The following TOGARAM1 variants were observed in gnomAD, a reference collection of about 807,000 sequenced individuals.
The protein encoded by TOGARAM1 is TOG array regulator of axonemal microtubules protein 1.
TOGARAM1 carries 100 observed loss-of-function variants against 166.6 expected under a neutral mutation model. The ratio of observed to expected loss-of-function variants is 0.60; its 90% CI spans 0.51 to 0.71. The LOEUF is 0.71. Ranked by LOEUF, TOGARAM1 falls within the 30% of genes least tolerant of loss-of-function variation. TOGARAM1 has a pLI of 0.00. For missense variants in TOGARAM1, 2,029 were observed against 2,102.7 expected, an observed-to-expected ratio of 0.96 and a Z score of 0.69; for synonymous variants, 758 against 763.8, an observed-to-expected ratio of 0.99 and a Z score of 0.13.
chr14:44,992,591 CAA>C (rs951165183), intron 1 of TOGARAM1, among the ~76,000 whole-genome samples: 20 of 138,904 alleles, frequency 1.4e-4, no homozygotes, highest in Admixed American at 2.9e-4. Flanking sequence ...GAGGATTAAA[CAA>C]GAGTAAATTT....
chr14:45,006,011 A>G lies in TOGARAM1; in HGVS notation c.2648A>G (p.Glu883Gly). 6.5e-7 allele frequency: 1 copy of G among 1,543,180 alleles called. No homozygotes were observed. Among genetic ancestry groups the G allele is most frequent in the Non-Finnish European group, 8.7e-7 (1 of 1,145,670 alleles). ...AAAATATCTATTTTTCATGCAGGAG[A>G]AAATTCTCAAGAAAAACCTCCAGTT... ...SSDPTGRNHG[E>G]NSQEKPPVQL... Residue 883 changes from glutamate (E) to glycine (G), a missense_variant, in exon 5 of 20, where the codon GAA becomes GGA. Glu to Gly is a moderately conservative substitution (Grantham distance 98). This residue lies in a region of TOGARAM1 where 1,453 missense variants were observed against 1,432.2 expected (regional missense o/e 1.01). Coordinates refer to ENST00000361462, the MANE Select transcript of TOGARAM1 (RefSeq NM_001308120.2).
Position 45,041,804 on chromosome 14 carries a change from C to G in TOGARAM1, c.3813-1882C>G, listed in dbSNP as rs1300218396. On this transcript the variant is annotated intron_variant, in intron 11 of 19. Transcript: ENST00000361462. ...TGAGACAGAGTCTCACTGTGTCACC[C>G]AGGCTGAAGTGCAGTGGCACGATCA... is the stretch of plus-strand genomic sequence containing the variant. Among the ~76,000 whole-genome samples, 5 of 152,210 alleles carry G rather than the reference C, an allele frequency of 3.3e-5. No individual in the cohort carries two copies. The East Asian group carries it at 5.8e-4, about 18-fold the overall frequency.
Position 45,053,344 on chromosome 14 carries a change from CCATGT to C in TOGARAM1, c.4440+784_4440+788del, listed in dbSNP as rs1316216386. Among the ~76,000 whole-genome samples the C allele has an allele frequency of 2.0e-5, 3 of 152,042 alleles. No individual in the cohort carries two copies. The East Asian group carries it at 5.8e-4, about 29-fold the overall frequency. On this transcript the variant is annotated intron_variant, in intron 15 of 19. Transcript: ENST00000361462. ...GCGAGAGCCAATGCGCCCAGCCATG[CCATGT>C]CTTATTTGTCCTGGTAGATAATGGG... is the stretch of plus-strand genomic sequence containing the variant.
In TOGARAM1 at chr14:44,977,898, C is replaced by T. The variant is rs188802948; in HGVS notation, c.2046+13431C>T. Among the ~76,000 whole-genome samples, 7 of 152,292 alleles carry T rather than the reference C, an allele frequency of 4.6e-5. No individual in the cohort carries two copies. The East Asian group carries it at 1.4e-3, about 29-fold the overall frequency. ...CTCCTGAGCTCAAGCAATCCTCCCTCCACTGCCTCTGAAAGTGCTGGGATT... is the reference window on the plus strand; with the variant it reads ...CTCCTGAGCTCAAGCAATCCTCCCTTCACTGCCTCTGAAAGTGCTGGGATT... On this transcript the variant is annotated intron_variant, in intron 1 of 19. Coordinates refer to ENST00000361462, the MANE Select transcript of TOGARAM1 (RefSeq NM_001308120.2).
At chr14:45,000,031 C>T (rs959349166) in intron 3 of TOGARAM1, among the ~76,000 whole-genome samples, 1 of 152,018 alleles carries the variant, frequency 6.6e-6, no homozygotes, top group Admixed American at 6.6e-5. Flanking sequence ...CTTGCTCTGT[C>T]GCCCAGGCTG....
chr14:44,962,476 A>C lies in TOGARAM1; in HGVS notation c.55A>C (p.Thr19Pro), dbSNP rs1594593394. 1 of 1,606,904 alleles carries C rather than the reference A, an allele frequency of 6.2e-7. No homozygotes were observed. The highest frequency in any genetic ancestry group is 8.5e-7 in the Non-Finnish European group (1 of 1,177,144). Residue 19 changes from threonine (T) to proline (P), a missense_variant, in exon 1 of 20, where the codon ACC (threonine) becomes CCC (proline). By Grantham distance (38) the Thr-to-Pro change is conservative. Coordinates refer to ENST00000361462, the MANE Select transcript of TOGARAM1 (RefSeq NM_001308120.2). ...GCTGCCGCCCTTTCCAGTCCTCTCT[A>C]CCTATCGGCTCCAGAGCCGCAGTCG... ...LLLPPFPVLS[T>P]YRLQSRSRPS...
At chr14:45,013,759 C>T (rs1879951229) in intron 7 of TOGARAM1, among the ~76,000 whole-genome samples, 1 of 152,026 alleles carries the variant, frequency 6.6e-6, no homozygotes, top group Admixed American at 6.5e-5. Flanking sequence ...ATCCTTAATC[C>T]TTTTTCAGGC....
intron 11 of TOGARAM1, 77 bp from the exon 12 acceptor site, chr14:45,043,609 A>G: frequency 1.2e-6 from 1 of 861,170 alleles, no homozygotes; most frequent in Admixed American, 1.8e-5. Context: ...TTCCATACAC[A>G]GAAAATAAGA....
At chr14:45,065,146 T>A (rs1333349072) in intron 16 of TOGARAM1, among the ~76,000 whole-genome samples, 1 of 152,076 alleles carries the variant, frequency 6.6e-6, no homozygotes, top group East Asian at 1.9e-4. Flanking sequence ...AAAGTGAGAC[T>A]CTTTCTCAAA....
intron 17 of TOGARAM1, among the ~76,000 whole-genome samples, chr14:45,067,255 C>T (rs572971789): frequency 3.3e-5 from 5 of 152,104 alleles, no homozygotes; most frequent in African/African-American, 4.8e-5. Context: ...TGGTAAGCTC[C>T]TTGAAACTGC....
intron 1 of TOGARAM1, among the ~76,000 whole-genome samples, chr14:44,984,573 G>A (rs1418552402): frequency 6.6e-6 from 1 of 151,568 alleles, no homozygotes; most frequent in Non-Finnish European, 1.5e-5. Context: ...GATCACTTGA[G>A]GCCTGGGCAA....
At chr14:45,014,303 A>G (rs903331400) in intron 7 of TOGARAM1, among the ~76,000 whole-genome samples, 14 of 152,038 alleles carry the variant, frequency 9.2e-5, no homozygotes, top group African/African-American at 3.1e-4. Context: ...AAGTTGCCTA[A>G]TTTTAGGAAT....
intron 8 of TOGARAM1, among the ~76,000 whole-genome samples, chr14:45,026,284 G>T (rs1415298871): frequency 6.6e-6 from 1 of 151,860 alleles, no homozygotes; most frequent in Non-Finnish European, 1.5e-5. Flanking sequence ...TATTTTAAGG[G>T]GGCTAAGGGA....
intron 1 of TOGARAM1, among the ~76,000 whole-genome samples, chr14:44,974,016 G>T (rs1320298411): frequency 6.6e-6 from 1 of 151,426 alleles, no homozygotes; most frequent in Non-Finnish European, 1.5e-5. Flanking sequence ...CTTTCTCCTG[G>T]TTTTTCTCTG....
At position 45,028,230 on chromosome 14, in the gene TOGARAM1, G is replaced by T; in HGVS notation, c.3559G>T (p.Glu1187Ter). 2 of 1,598,778 alleles carry T rather than the reference G, an allele frequency of 1.3e-6. No individual in the cohort carries two copies. The highest frequency in any genetic ancestry group is 1.7e-6 in the Non-Finnish European group (2 of 1,175,500). ...TYNKMRQKRKEEKELFHNKDC... is the reference protein window; with the variant it reads ...TYNKMRQKRK ...TAACAAGATGAGACAAAAGAGAAAA[G>T]AAGAGAAAGAACTGTTTCACAATAA... is the stretch of plus-strand genomic sequence containing the variant. The change falls in exon 10 of 20, where the codon GAA becomes TAA. Residue 1187 changes from glutamate to a stop codon, truncating the protein, a stop_gained. Transcript: ENST00000361462. LOFTEE classifies it high-confidence loss of function.
chr14:45,060,360 C>T (rs975063666), intron 16 of TOGARAM1, among the ~76,000 whole-genome samples: 16 of 151,906 alleles, frequency 1.1e-4, no homozygotes, highest in African/African-American at 3.4e-4. Flanking sequence ...GGACTACAGG[C>T]GTGTGCCACC....
chr14:45,004,651 A>C (rs938572471), intron 4 of TOGARAM1, among the ~76,000 whole-genome samples: 1 of 152,174 alleles, frequency 6.6e-6, no homozygotes, highest in Non-Finnish European at 1.5e-5. Flanking sequence ...GGGTCCTACT[A>C]TGTTGACCAG....
At chr14:45,027,885 A>G (rs993658336) in intron 9 of TOGARAM1, among the ~76,000 whole-genome samples, 1 of 152,050 alleles carries the variant, frequency 6.6e-6, no homozygotes, top group Non-Finnish European at 1.5e-5. Context: ...AAAAAAAAAA[A>G]AAAGAAATTT....
chr14:44,993,438 T>G (rs964197142), intron 1 of TOGARAM1, among the ~76,000 whole-genome samples: 2 of 152,224 alleles, frequency 1.3e-5, no homozygotes, highest in Non-Finnish European at 2.9e-5. Context: ...TAAATAAATT[T>G]TTAGGTATTA....
Sources: gnomAD v4.1 joint callset for allele counts (sites outside exome capture counted in the v4.1 genomes callset) on GRCh38, gnomAD v4.1.1 for gene constraint, gnomAD v4.1.1 regional missense constraint, MANE v1.5 for transcripts, NCBI Gene and HGNC (gene_info 2026-07-23, HGNC 2026-07-21) for gene names.